Variants in SEMA4D observed in about 807,000 individuals in gnomAD.
The protein encoded by SEMA4D is semaphorin 4D, also known as semaphorin-4D.
Under a neutral mutation model 74.8 loss-of-function variants are expected in SEMA4D, and 22 were observed. That is an observed-to-expected ratio of 0.29 (90% CI 0.21 to 0.42). SEMA4D has a LOEUF of 0.42. SEMA4D is among the 10% of genes least tolerant of loss of function. The pLI, the probability that SEMA4D is intolerant of heterozygous loss-of-function variation, is 1.00. For missense variants in SEMA4D, 937 were observed against 1,118.4 expected (o/e 0.84, Z 2.31); for synonymous variants, 445 against 463.7 (o/e 0.96, Z 0.52).
At chr9:89,388,435 G>A (rs1272417858) in intron 11 of SEMA4D, among the ~76,000 whole-genome samples, 1 of 152,258 alleles carries the variant, frequency 6.6e-6, no homozygotes, top group East Asian at 1.9e-4. Flanking sequence ...TCTTGTTTGT[G>A]CAATAGTGTA....
chr9:89,430,429 G>A (rs929240812), intron 2 of SEMA4D, among the ~76,000 whole-genome samples: 1 of 152,120 alleles, frequency 6.6e-6, no homozygotes, highest in Admixed American at 6.5e-5. Context: ...TTGTCCAGAC[G>A]CAAAACCCAC....
chr9:89,371,120 T>G (rs1307476061), intron 16 of SEMA4D, among the ~76,000 whole-genome samples: 3 of 28,836 alleles, frequency 1.0e-4, no homozygotes, highest in Non-Finnish European at 1.9e-4. Context: ...TGGGGGGGTG[T>G]GGTGTGTATG....
In SEMA4D at chr9:89,405,567, C is replaced by A; in HGVS notation, c.-111G>T. 6.6e-7 allele frequency: 1 copy of A among 1,516,964 alleles called. No individual in the cohort carries two copies. Among genetic ancestry groups the A allele is most frequent in the Non-Finnish European group, 8.8e-7 (1 of 1,136,456 alleles). The allele number at this position is 1,516,964 out of a possible 1,614,324, so 94.0% of individuals were successfully genotyped here. A position where few individuals can be genotyped will look rare whatever the true frequency, so the allele number is the denominator to read the frequency against. ...AGCGCCCCAGGACCAGGGCCAGCAG[C>A]ACAGCCTGGAGCTCGTGAACAGCGC... On this transcript the variant is annotated 5_prime_UTR_variant, in exon 3 of 16. Coordinates refer to ENST00000422704, the MANE Select transcript of SEMA4D (RefSeq NM_001371194.2).
chr9:89,430,850 G>A (rs1388827707), intron 2 of SEMA4D, among the ~76,000 whole-genome samples: 3 of 151,776 alleles, frequency 2.0e-5, no homozygotes, highest in Non-Finnish European at 2.9e-5. Context: ...GGTGGCTCGC[G>A]CCTGTAATCC....
Position 89,386,274 on chromosome 9 carries a change from G to A in SEMA4D, c.1446+93C>T, listed in dbSNP as rs950337845. The A allele has an allele frequency of 1.1e-4, 126 of 1,109,284 alleles. 1 individual carries two copies. The highest frequency in any genetic ancestry group is 2.0e-4 in the East Asian group (8 of 39,440). 68.7% of individuals were successfully genotyped at this position (1,109,284 alleles called of 1,614,324 possible). A position where few individuals can be genotyped will look rare whatever the true frequency, so the allele number is the denominator to read the frequency against. On this transcript the variant is annotated intron_variant, in intron 13 of 15. Transcript: ENST00000422704. ...GCAGACAGACAGAGGGGCCTGCCCA[G>A]GAGCCCGACTCCAGCTTGCCAACTC...
chr9:89,425,919 G>A (rs987998804), intron 2 of SEMA4D, among the ~76,000 whole-genome samples: 6 of 152,230 alleles, frequency 3.9e-5, no homozygotes, highest in Admixed American at 3.3e-4. Flanking sequence ...CACCAGGGCA[G>A]AGACAGGCCC....
At chr9:89,461,698 CTCT>C (rs1857245487) in intron 1 of SEMA4D, among the ~76,000 whole-genome samples, 1 of 67,944 alleles carries the variant, frequency 1.5e-5, no homozygotes, top group South Asian at 7.1e-4. Flanking sequence ...TTTCTTTTTT[CTCT>C]TTTTTTTTTT....
chr9:89,444,901 T>C (rs1852474898), intron 2 of SEMA4D, among the ~76,000 whole-genome samples: 1 of 151,996 alleles, frequency 6.6e-6, no homozygotes, highest in Admixed American at 6.5e-5. Context: ...TCAATATCTA[T>C]AACAAATCCA....
At chr9:89,454,217 T>C (rs1415815189) in intron 2 of SEMA4D, among the ~76,000 whole-genome samples, 1 of 152,126 alleles carries the variant, frequency 6.6e-6, no homozygotes, top group African/African-American at 2.4e-5. Flanking sequence ...CCTGAGGCAG[T>C]AGGAGTCACA....
intron 16 of SEMA4D, chr9:89,368,525 G>A (rs1434923675): frequency 2.0e-5 from 3 of 152,678 alleles, no homozygotes; most frequent in East Asian, 1.9e-4. Flanking sequence ...AGTGCAGCTG[G>A]GGGTATGCCC....
At chr9:89,440,699 C>T (rs1851506636) in intron 2 of SEMA4D, among the ~76,000 whole-genome samples, 1 of 152,250 alleles carries the variant, frequency 6.6e-6, no homozygotes, top group Non-Finnish European at 1.5e-5. Context: ...GTGCCACATG[C>T]CGTGCTAAGT....
intron 2 of SEMA4D, among the ~76,000 whole-genome samples, chr9:89,447,076 G>A (rs1182485814): frequency 1.3e-5 from 2 of 151,990 alleles, no homozygotes; most frequent in South Asian, 2.1e-4. Context: ...CAGCCAGTCC[G>A]AACCCCGACC....
intron 2 of SEMA4D, among the ~76,000 whole-genome samples, chr9:89,447,905 T>C (rs1444538388): frequency 1.3e-5 from 2 of 152,256 alleles, no homozygotes; most frequent in Non-Finnish European, 2.9e-5. Flanking sequence ...GGCGCCAGCC[T>C]TGGCTCCATC....
chr9:89,364,071 CTT>C, intron 16 of SEMA4D: 1 of 1,585,504 alleles, frequency 6.3e-7, no homozygotes, highest in Non-Finnish European at 8.6e-7. Flanking sequence ...CTTGGGACAA[CTT>C]CCAATTCAGT....
chr9:89,465,757 G>A (rs1312680244), intron 1 of SEMA4D, among the ~76,000 whole-genome samples: 2 of 152,230 alleles, frequency 1.3e-5, no homozygotes, highest in East Asian at 3.8e-4. Flanking sequence ...CTAGGGACAA[G>A]GATTATTTGC....
rs549475508 is a variant in SEMA4D, at chr9:89,449,698, G to C, written c.-244+6190C>G. 11,343 of 1,519,998 alleles carry C rather than the reference G, an allele frequency of 7.5e-3. 55 individuals carry two copies. Among genetic ancestry groups the C allele is most frequent in the Non-Finnish European group, 8.8e-3 (9,606 of 1,097,708 alleles). The allele number at this position is 1,519,998 out of a possible 1,614,324, so 94.2% of individuals were successfully genotyped here. ...TCTAGCTCAGGTGTGTCAGTACTGAGCCTGTGTGAGAAAGGTGATGCCGTG... is the reference window on the plus strand; with the variant it reads ...TCTAGCTCAGGTGTGTCAGTACTGACCCTGTGTGAGAAAGGTGATGCCGTG... On this transcript the variant is annotated intron_variant, in intron 2 of 15. Transcript: ENST00000422704.
At chr9:89,394,539 C>T (rs187718910) in intron 6 of SEMA4D, among the ~76,000 whole-genome samples, 25 of 152,330 alleles carry the variant, frequency 1.6e-4, no homozygotes, top group African/African-American at 5.3e-4. Context: ...ACACAGAACA[C>T]GCGTGGGGAT....
chr9:89,477,214 C>T (rs1861966393), intron 1 of SEMA4D, among the ~76,000 whole-genome samples: 1 of 152,054 alleles, frequency 6.6e-6, no homozygotes, highest in Non-Finnish European at 1.5e-5. Context: ...TGCAGGCAGG[C>T]ACTCACACAC....
chr9:89,438,430 G>A (rs953550445), intron 2 of SEMA4D, among the ~76,000 whole-genome samples: 6 of 152,222 alleles, frequency 3.9e-5, no homozygotes, highest in South Asian at 2.1e-4. Flanking sequence ...GACATTCACC[G>A]CGGGAGCCTG....
Sources: gnomAD v4.1 joint callset for allele counts (sites outside exome capture counted in the v4.1 genomes callset) on GRCh38, gnomAD v4.1.1 for gene constraint, MANE v1.5 for transcripts, NCBI Gene and HGNC (gene_info 2026-07-23, HGNC 2026-07-21) for gene names.